Variants in CSMD1 observed in about 807,000 individuals in gnomAD.
The protein encoded by CSMD1 is CUB and Sushi multiple domains 1, also known as CUB and sushi domain-containing protein 1.
A neutral mutation model predicts 417.5 loss-of-function variants in CSMD1; 213 were observed. That is an observed-to-expected ratio of 0.51 (90% CI 0.46 to 0.57). The LOEUF (loss-of-function observed/expected upper bound fraction) is 0.57. Among genes scored for constraint, CSMD1 ranks in the 20% least tolerant of loss-of-function variants. The probability of loss-of-function intolerance (pLI) is 0.00; values close to 1 mark genes in which losing one functional copy is unlikely to be tolerated. For missense variants in CSMD1, 6,923 were observed against 4,529.7 expected (o/e 1.53, Z -15.17); for synonymous variants, 2,862 against 1,736.8 (o/e 1.65, Z -16.11).
chr8:3,241,321 G>C (rs1240196735), intron 26 of CSMD1, among the ~76,000 whole-genome samples: 1 of 151,474 alleles, frequency 6.6e-6, no homozygotes, highest in Non-Finnish European at 1.5e-5. Flanking sequence ...AGTTATGGAG[G>C]CAAGGGAAAC....
chr8:4,474,116 G>C (rs752062459), intron 2 of CSMD1, among the ~76,000 whole-genome samples: 6 of 152,082 alleles, frequency 3.9e-5, no homozygotes, highest in Admixed American at 1.3e-4. Flanking sequence ...AAAGAAACTA[G>C]AGAGATTGAA....
intron 3 of CSMD1, among the ~76,000 whole-genome samples, chr8:4,372,976 T>C (rs1432209638): frequency 6.6e-6 from 1 of 152,148 alleles, no homozygotes; most frequent in Non-Finnish European, 1.5e-5. Context: ...GAGGAAAATA[T>C]AAAGTGACTT....
At chr8:4,968,741 C>A (rs1160593413) in intron 1 of CSMD1, among the ~76,000 whole-genome samples, 6 of 152,064 alleles carry the variant, frequency 3.9e-5, no homozygotes, top group Admixed American at 1.3e-4. Context: ...GTTTAGTTAA[C>A]AGACCTTACC....
chr8:3,991,262 C>T (rs891717894), intron 5 of CSMD1, among the ~76,000 whole-genome samples: 2 of 152,184 alleles, frequency 1.3e-5, no homozygotes, highest in African/African-American at 2.4e-5. Context: ...GTAGAATTAG[C>T]TGGTATTGAA....
chr8:4,306,786 C>G (rs1012910780), intron 3 of CSMD1, among the ~76,000 whole-genome samples: 1 of 152,024 alleles, frequency 6.6e-6, no homozygotes, highest in Non-Finnish European at 1.5e-5. Flanking sequence ...ATCAGCCCTT[C>G]TTTCTTCCAT....
At chr8:3,334,883 T>C (rs1438172503) in intron 23 of CSMD1, among the ~76,000 whole-genome samples, 1 of 152,256 alleles carries the variant, frequency 6.6e-6, no homozygotes, top group East Asian at 1.9e-4. Context: ...GGAGCTGCAA[T>C]GTGTCACCAC....
At chr8:3,732,128 C>A in intron 6 of CSMD1, among the ~76,000 whole-genome samples, 1 of 152,160 alleles carries the variant, frequency 6.6e-6, no homozygotes, top group East Asian at 1.9e-4. Context: ...GAGAGGGCTC[C>A]TAGCGGAAGC....
At chr8:4,490,587 A>G (rs1010764827) in intron 2 of CSMD1, among the ~76,000 whole-genome samples, 8 of 152,166 alleles carry the variant, frequency 5.3e-5, no homozygotes, top group Non-Finnish European at 8.8e-5. Context: ...CATCAAGGAG[A>G]TCACAAACAA....
At chr8:4,181,211 A>T (rs1206382428) in intron 3 of CSMD1, among the ~76,000 whole-genome samples, 1 of 152,176 alleles carries the variant, frequency 6.6e-6, no homozygotes, top group Non-Finnish European at 1.5e-5. Context: ...TATAGCACCG[A>T]TGATTTAAAT....
At chr8:3,724,316 T>A (rs559403167) in intron 6 of CSMD1, among the ~76,000 whole-genome samples, 136 of 152,144 alleles carry the variant, frequency 8.9e-4, no homozygotes, top group Non-Finnish European at 1.6e-3. Context: ...TCATCTAGCA[T>A]TAGGTATATC....
intron 1 of CSMD1, among the ~76,000 whole-genome samples, chr8:4,801,396 C>A (rs577477769): frequency 1.0e-3 from 155 of 151,860 alleles, no homozygotes; most frequent in Non-Finnish European, 1.6e-3. Flanking sequence ...TGAGAGACAC[C>A]CTCTCCCCGT....
intron 26 of CSMD1, among the ~76,000 whole-genome samples, chr8:3,256,280 T>C (rs907257478): frequency 2.7e-5 from 4 of 149,668 alleles, no homozygotes; most frequent in East Asian, 2.0e-4. Flanking sequence ...TGGGCTGATA[T>C]TGTTTGACAG....
At chr8:3,922,029 T>G (rs1463900795) in intron 5 of CSMD1, among the ~76,000 whole-genome samples, 1 of 152,132 alleles carries the variant, frequency 6.6e-6, no homozygotes, top group Admixed American at 6.6e-5. Context: ...TTCCCTCCAG[T>G]TCTGTTAATA....
rs746010384 is a variant in CSMD1, at chr8:3,409,513, C to G, written c.1654G>C (p.Glu552Gln). 1.9e-6 allele frequency: 3 copies of G among 1,611,256 alleles called. No individual in the cohort carries two copies. The East Asian group carries it at 6.7e-5, about 36-fold the overall frequency. Residue 552 changes from glutamate (E) to glutamine (Q), a missense_variant, in exon 13 of 70, where the codon GAA becomes CAA. By Grantham distance (29) the Glu-to-Gln change is conservative. Coordinates refer to ENST00000635120, the MANE Select transcript of CSMD1 (RefSeq NM_033225.6). ...ACCAGCTCAAAGGCCGCCGGGCATT[C>G]AAAGGTGAGTGTATCTCCATGGAGG... ...SFLHGDTLTF[E>Q]CPAAFELVGE...
intron 3 of CSMD1, among the ~76,000 whole-genome samples, chr8:4,382,505 C>T (rs1480388082): frequency 6.6e-6 from 1 of 152,136 alleles, no homozygotes; most frequent in Non-Finnish European, 1.5e-5. Context: ...TCTCTGTTCA[C>T]CGCTCTTCTT....
In CSMD1 at chr8:3,498,568, C is replaced by T. The variant is rs569824830; in HGVS notation, c.1345-4842G>A. Among the ~76,000 whole-genome samples the T allele has an allele frequency of 3.0e-4, 46 of 152,268 alleles. No individual in the cohort carries two copies. In the Middle Eastern group the frequency reaches 0.01, roughly 34 times the overall value. ...CTCCAAAAATTTGAGAAGTTTTCAG[C>T]TGTTATTTTATTATATAGATATCCT... On this transcript the variant is annotated intron_variant, in intron 10 of 69. Coordinates refer to ENST00000635120, the MANE Select transcript of CSMD1 (RefSeq NM_033225.6).
At chr8:4,748,239 T>C (rs117601248) in intron 1 of CSMD1, among the ~76,000 whole-genome samples, 1 of 152,324 alleles carries the variant, frequency 6.6e-6, no homozygotes, top group East Asian at 1.9e-4. Context: ...AGAAAAGCAA[T>C]TCAAGCAACC....
At chr8:3,745,427 C>T (rs774640944) in intron 6 of CSMD1, among the ~76,000 whole-genome samples, 32 of 152,192 alleles carry the variant, frequency 2.1e-4, no homozygotes, top group Non-Finnish European at 7.3e-5. Flanking sequence ...AAAGAAAGGT[C>T]TTACAAACAG....
intron 46 of CSMD1, among the ~76,000 whole-genome samples, chr8:3,101,368 C>T (rs2129012658): frequency 6.6e-6 from 1 of 152,336 alleles, no homozygotes; most frequent in East Asian, 1.9e-4. Context: ...ATGTCTCTTA[C>T]TCAGGTTTTT....
Sources: gnomAD v4.1 joint callset for allele counts (sites outside exome capture counted in the v4.1 genomes callset) on GRCh38, gnomAD v4.1.1 for gene constraint, MANE v1.5 for transcripts, NCBI Gene and HGNC (gene_info 2026-07-23, HGNC 2026-07-21) for gene names.